The following SYN3 variants were observed in gnomAD, a reference collection of about 807,000 sequenced individuals.
SYN3 encodes synapsin-3.
A neutral mutation model predicts 65.8 loss-of-function variants in SYN3; 35 were observed. The observed-to-expected ratio is 0.53, with a 90% confidence interval of 0.41 to 0.70. The LOEUF is 0.70. Ranked by LOEUF, SYN3 falls within the 30% of genes least tolerant of loss-of-function variation. The pLI is 0.00. For synonymous variants in SYN3, 270 were observed against 292.9 expected, an observed-to-expected ratio of 0.92 and a Z score of 0.80; for missense variants, 680 against 749.0, an observed-to-expected ratio of 0.91 and a Z score of 1.08.
In SYN3 at chr22:32,564,924, T is replaced by C. The variant is rs1265619326; in HGVS notation, c.775-23211A>G. On this transcript the variant is annotated intron_variant, in intron 7 of 13. Coordinates refer to ENST00000358763, the MANE Select transcript of SYN3 (RefSeq NM_003490.4). Reference sequence around the variant, plus strand: ...GTGCTCCCGGATTACACCCAAACAGTGCTCCCGGATTGTACCCAAACAGTG... The same window carrying C: ...GTGCTCCCGGATTACACCCAAACAGCGCTCCCGGATTGTACCCAAACAGTG... 2.7e-5 allele frequency among the ~76,000 whole-genome samples: 4 copies of C among 147,696 alleles called. No individual in the cohort carries two copies. The East Asian group carries it at 8.3e-4, about 31-fold the overall frequency.
chr22:32,996,605 T>C (rs898377926), intron 2 of SYN3, among the ~76,000 whole-genome samples: 13 of 152,116 alleles, frequency 8.5e-5, no homozygotes, highest in African/African-American at 2.4e-4. Flanking sequence ...CTCTCGGGAA[T>C]CATGTCTGAC....
At chr22:32,868,606 C>T (rs2048754343) in intron 5 of SYN3, among the ~76,000 whole-genome samples, 1 of 151,774 alleles carries the variant, frequency 6.6e-6, no homozygotes, top group Admixed American at 6.6e-5. Flanking sequence ...CATGCGCCAC[C>T]ATGCCTGGCT....
chr22:32,897,350 T>G (rs1181539103), intron 4 of SYN3, among the ~76,000 whole-genome samples: 2 of 152,216 alleles, frequency 1.3e-5, no homozygotes, highest in Non-Finnish European at 2.9e-5. Context: ...AGAGCTGGGC[T>G]GCTCTCTTGG....
intron 6 of SYN3, among the ~76,000 whole-genome samples, chr22:32,647,451 C>CA (rs1555915139): frequency 2.1e-5 from 3 of 144,872 alleles, no homozygotes; most frequent in Non-Finnish European, 4.6e-5. Context: ...TTTTCTTTTT[C>CA]TTTTTTTTTT....
rs201719238 is a variant in SYN3, at chr22:33,008,924, CAAAAAAAAAAAA to C, written c.-162-2112_-162-2101del. On this transcript the variant is annotated intron_variant, in intron 1 of 13. Transcript: ENST00000358763. ...TGGGTGACAGAGTAAGACTTTATCT[CAAAAAAAAAAAA>C]AAAAAAAAAAAAAAAAAAAAAAAAA... Among the ~76,000 whole-genome samples, 288 of 57,056 alleles carry C rather than the reference CAAAAAAAAAAAA, an allele frequency of 5.0e-3. 2 individuals carry two copies. Among genetic ancestry groups the C allele is most frequent in the South Asian group, 0.022 (20 of 906 alleles). 37.4% of individuals were successfully genotyped at this position (57,056 alleles called of 152,430 possible).
At chr22:32,743,188 C>T (rs994019562) in intron 6 of SYN3, among the ~76,000 whole-genome samples, 1 of 152,184 alleles carries the variant, frequency 6.6e-6, no homozygotes, top group Admixed American at 6.5e-5. Context: ...TCATATGTGG[C>T]TTTGGGAAAT....
chr22:32,703,508 A>G (rs1290895019), intron 6 of SYN3, among the ~76,000 whole-genome samples: 1 of 151,962 alleles, frequency 6.6e-6, no homozygotes, highest in Non-Finnish European at 1.5e-5. Context: ...GTGGTAGCGG[A>G]TGCCTGTAGT....
At chr22:33,044,810 C>T (rs553405538) in intron 1 of SYN3, among the ~76,000 whole-genome samples, 2 of 151,796 alleles carry the variant, frequency 1.3e-5, no homozygotes, top group Non-Finnish European at 2.9e-5. Context: ...GGCCTAGCCA[C>T]CTGCATTTTT....
intron 4 of SYN3, among the ~76,000 whole-genome samples, chr22:32,893,943 C>T (rs2049519142): frequency 6.6e-6 from 1 of 152,042 alleles, no homozygotes; most frequent in African/African-American, 2.4e-5. Flanking sequence ...ATCAAGAGCA[C>T]AGATGATGGT....
chr22:32,752,531 C>G (rs2045159163), intron 6 of SYN3, among the ~76,000 whole-genome samples: 1 of 152,234 alleles, frequency 6.6e-6, no homozygotes, highest in Non-Finnish European at 1.5e-5. Context: ...AACTATAATA[C>G]AATGACTGCT....
intron 7 of SYN3, among the ~76,000 whole-genome samples, chr22:32,585,183 G>T (rs955571071): frequency 8.5e-5 from 13 of 152,216 alleles, no homozygotes; most frequent in African/African-American, 3.1e-4. Flanking sequence ...CTTGGGAATT[G>T]TTACTATCCT....
At chr22:32,580,078 G>C (rs959721699) in intron 7 of SYN3, among the ~76,000 whole-genome samples, 7 of 152,228 alleles carry the variant, frequency 4.6e-5, no homozygotes, top group African/African-American at 1.7e-4. Context: ...TGGCCTAGGC[G>C]GGGAGGGGAG....
At chr22:32,661,918 C>T (rs1003930083) in intron 6 of SYN3, among the ~76,000 whole-genome samples, 1 of 152,184 alleles carries the variant, frequency 6.6e-6, no homozygotes, top group Non-Finnish European at 1.5e-5. Context: ...TTTTCTTAGC[C>T]TCCAAGTCAG....
Position 32,605,206 on chromosome 22 carries a change from G to T in SYN3, c.712-8470C>A, listed in dbSNP as rs1281352751. ...ACGAAGTCTCCCACAACAAGCGGGAGAAGTCATATGCGAACAGGCAGAGTC... is the reference window on the plus strand; with the variant it reads ...ACGAAGTCTCCCACAACAAGCGGGATAAGTCATATGCGAACAGGCAGAGTC... On this transcript the variant is annotated intron_variant, in intron 6 of 13. Transcript: ENST00000358763. Among the ~76,000 whole-genome samples the T allele has an allele frequency of 2.0e-5, 3 of 152,172 alleles. No homozygotes were observed. In the East Asian group the frequency reaches 5.8e-4, roughly 30 times the overall value.
At chr22:32,917,066 G>T (rs1373179904) in intron 4 of SYN3, among the ~76,000 whole-genome samples, 1 of 152,130 alleles carries the variant, frequency 6.6e-6, no homozygotes, top group Admixed American at 6.5e-5. Context: ...CAGGGGTAGA[G>T]GGAACATTCA....
At chr22:33,055,086 G>T (rs779843927) in intron 1 of SYN3, among the ~76,000 whole-genome samples, 1 of 152,278 alleles carries the variant, frequency 6.6e-6, no homozygotes, top group Admixed American at 6.5e-5. Context: ...TGGAAGCTGA[G>T]ATTGACTCCT....
chr22:33,049,304 AG>A (rs1601963521), intron 1 of SYN3, among the ~76,000 whole-genome samples: 1 of 152,190 alleles, frequency 6.6e-6, no homozygotes, highest in East Asian at 1.9e-4. Flanking sequence ...GGGCCTTGGA[AG>A]GTGGGCTCCC....
intron 6 of SYN3, among the ~76,000 whole-genome samples, chr22:32,773,403 T>C (rs2045824606): frequency 2.9e-5 from 2 of 69,792 alleles, no homozygotes; most frequent in Admixed American, 2.2e-4. Context: ...CCAGACTCTG[T>C]CTCAAAAAAA....
In SYN3 at chr22:32,513,838, G is replaced by T; in HGVS notation, c.1611-14C>A. On this transcript the variant is annotated splice_polypyrimidine_tract_variant and intron_variant, in intron 13 of 13. Transcript: ENST00000358763. The stretch of plus-strand genomic sequence containing the variant: ...GACTGAGATTTGCTGAAACAGAAAG[G>T]CAAGGGGGTTGAGGAAGACAAGGCG... 1 of 1,614,042 alleles carries T rather than the reference G, an allele frequency of 6.2e-7. No homozygotes were observed.
Sources: gnomAD v4.1 joint callset for allele counts (sites outside exome capture counted in the v4.1 genomes callset) on GRCh38, gnomAD v4.1.1 for gene constraint, MANE v1.5 for transcripts, NCBI Gene and HGNC (gene_info 2026-07-23, HGNC 2026-07-21) for gene names.